Variants in ANO4 observed in about 807,000 individuals in gnomAD.
ANO4 encodes anoctamin 4, also known as anoctamin-4.
A neutral mutation model predicts 141.9 loss-of-function variants in ANO4; 69 were observed. The ratio of observed to expected loss-of-function variants is 0.49; its 90% CI spans 0.40 to 0.59. The LOEUF is 0.59. Ranked by LOEUF, ANO4 falls within the 20% of genes least tolerant of loss-of-function variation. The pLI is 0.00. For missense variants in ANO4, 894 were observed against 1,162.2 expected (o/e 0.77, Z 3.36); for synonymous variants, 350 against 394.3 (o/e 0.89, Z 1.33).
At position 101,096,582 on chromosome 12, in the gene ANO4, AATGT is replaced by A. The variant is rs754331974; in HGVS notation, c.1786_1789del (p.Met596PhefsTer8). ...AGTGGGAGAACAGCTTCACCCTGAA[AATGT>A]TTCTTTTTCAGTTTGTCAATCTGAA... On this transcript the variant is annotated frameshift_variant, in exon 19 of 28. Transcript: ENST00000392977. LOFTEE classifies it high-confidence loss of function. The A allele has an allele frequency of 7.4e-6, 12 of 1,613,452 alleles. No homozygotes were observed. The highest frequency in any genetic ancestry group is 1.3e-5 in the African/African-American group (1 of 74,858).
At chr12:100,733,096 T>G (rs2031450658) in intron 1 of ANO4, among the ~76,000 whole-genome samples, 1 of 152,144 alleles carries the variant, frequency 6.6e-6, no homozygotes, top group African/African-American at 2.4e-5. Flanking sequence ...CATCTCAGTG[T>G]CCTCCAATCT....
intron 9 of ANO4, among the ~76,000 whole-genome samples, chr12:101,025,574 CAG>C (rs1283963962): frequency 6.6e-6 from 1 of 152,182 alleles, no homozygotes; most frequent in Non-Finnish European, 1.5e-5. Flanking sequence ...TACCCAAGGC[CAG>C]AGAAAGAACC....
intron 2 of ANO4, among the ~76,000 whole-genome samples, chr12:100,910,195 G>A (rs568682407): frequency 2.0e-5 from 3 of 152,160 alleles, no homozygotes; most frequent in South Asian, 4.2e-4. Flanking sequence ...GCACATACTT[G>A]GTGTTCAGTA....
chr12:100,825,691 T>G (rs750143703), intron 1 of ANO4, among the ~76,000 whole-genome samples: 1 of 151,992 alleles, frequency 6.6e-6, no homozygotes, highest in Non-Finnish European at 1.5e-5. Flanking sequence ...GGTGTGAAAA[T>G]TTGGAACACT....
intron 1 of ANO4, among the ~76,000 whole-genome samples, chr12:100,815,902 C>A (rs1593409182): frequency 1.3e-5 from 2 of 151,974 alleles, no homozygotes; most frequent in East Asian, 3.9e-4. Context: ...TTGCAGTAAG[C>A]AATAATACTT....
intron 8 of ANO4, among the ~76,000 whole-genome samples, chr12:101,000,647 T>C (rs2045596902): frequency 6.6e-6 from 1 of 152,206 alleles, no homozygotes; most frequent in South Asian, 2.1e-4. Context: ...AGGGGAAACA[T>C]ATCTATGTTC....
intron 2 of ANO4, among the ~76,000 whole-genome samples, chr12:100,904,928 G>C (rs1257527925): frequency 5.3e-5 from 8 of 152,238 alleles, no homozygotes; most frequent in African/African-American, 1.9e-4. Context: ...TTTAGAGTCT[G>C]GATATATTTT....
rs541787647 is a variant in ANO4 at position 100,999,634 on chromosome 12, C to G, written c.734+11964C>G. Among the ~76,000 whole-genome samples, 36 of 151,698 alleles carry G rather than the reference C, an allele frequency of 2.4e-4. 1 individual carries two copies. The highest frequency in any genetic ancestry group is 1.5e-5 in the Non-Finnish European group (1 of 67,956). ...TACAAATTTGCCAATCCAAAAAGTG[C>G]CAAGGGTTGGGACAGAGGACAGGAA... On this transcript the variant is annotated intron_variant, in intron 8 of 27. Transcript: ENST00000392977.
At position 100,980,379 on chromosome 12, in the gene ANO4, C is replaced by A. The variant is rs143281979; in HGVS notation, c.602+5490C>A. 3.5e-4 allele frequency among the ~76,000 whole-genome samples: 53 copies of A among 152,286 alleles called. 1 individual carries two copies. In the East Asian group the frequency reaches 8.3e-3, roughly 24 times the overall value. The stretch of plus-strand genomic sequence containing the variant: ...TCTACCTTAACTCTTCATTTCACAT[C>A]AGAACAGACTGATTTAGATGATGGA... On this transcript the variant is annotated intron_variant, in intron 7 of 27. Coordinates refer to ENST00000392977, the MANE Select transcript of ANO4 (RefSeq NM_001286615.2).
At chr12:101,054,776 C>T (rs374007140) in intron 14 of ANO4, among the ~76,000 whole-genome samples, 132 of 152,292 alleles carry the variant, frequency 8.7e-4, no homozygotes, top group African/African-American at 2.9e-3. Context: ...TGGGAGCCAC[C>T]GTGCCCGGCC....
At chr12:101,060,630 G>A (rs899568380) in intron 14 of ANO4, among the ~76,000 whole-genome samples, 2 of 152,156 alleles carry the variant, frequency 1.3e-5, no homozygotes, top group African/African-American at 2.4e-5. Flanking sequence ...TTACCATTAT[G>A]TAATGCGCTT....
intron 8 of ANO4, among the ~76,000 whole-genome samples, chr12:101,005,207 A>C (rs2045822319): frequency 6.6e-6 from 1 of 152,178 alleles, no homozygotes; most frequent in African/African-American, 2.4e-5. Flanking sequence ...TAGTGCCCTA[A>C]TTAGTGGAAC....
At chr12:101,112,366 G>C (rs751454258) in intron 24 of ANO4, among the ~76,000 whole-genome samples, 1 of 152,220 alleles carries the variant, frequency 6.6e-6, no homozygotes, top group African/African-American at 2.4e-5. Flanking sequence ...TATATGGTCA[G>C]ATAAAGATAA....
chr12:100,937,922 C>G (rs1232875824), intron 3 of ANO4, among the ~76,000 whole-genome samples: 1 of 152,160 alleles, frequency 6.6e-6, no homozygotes, highest in African/African-American at 2.4e-5. Context: ...TACATCAGGC[C>G]TACCTATATA....
chr12:101,001,635 C>T (rs1002555023), intron 8 of ANO4, among the ~76,000 whole-genome samples: 7 of 152,078 alleles, frequency 4.6e-5, no homozygotes, highest in African/African-American at 1.7e-4. Flanking sequence ...CACCGGGCTA[C>T]CTGGGAGGCT....
At chr12:100,907,684 T>C (rs1229666905) in intron 2 of ANO4, among the ~76,000 whole-genome samples, 3 of 152,248 alleles carry the variant, frequency 2.0e-5, no homozygotes, top group African/African-American at 7.2e-5. Flanking sequence ...TAACTCTTCT[T>C]TCATATGACA....
At chr12:101,107,738 C>T (rs2050505197) in intron 22 of ANO4, among the ~76,000 whole-genome samples, 1 of 152,130 alleles carries the variant, frequency 6.6e-6, no homozygotes, top group Non-Finnish European at 1.5e-5. Context: ...CAGTGAGAAC[C>T]TACTGAAACA....
chr12:101,114,110 C>A (rs1374347175), intron 24 of ANO4, among the ~76,000 whole-genome samples: 1 of 152,178 alleles, frequency 6.6e-6, no homozygotes, highest in Non-Finnish European at 1.5e-5. Context: ...ATATAGCATT[C>A]CTGCCAGTAA....
intron 3 of ANO4, among the ~76,000 whole-genome samples, chr12:100,748,949 G>T (rs2032237666): frequency 6.6e-6 from 1 of 152,038 alleles, no homozygotes; most frequent in Admixed American, 6.5e-5. Context: ...TGAATATGAG[G>T]GTTAACTTAC....
Sources: allele counts gnomAD v4.1 joint callset (sites outside exome capture counted in the v4.1 genomes callset), GRCh38; gene constraint gnomAD v4.1.1; transcripts MANE v1.5; gene names NCBI Gene and HGNC (gene_info 2026-07-23, HGNC 2026-07-21).